PLEKHM2: variants seen among roughly 807,000 people sequenced by gnomAD.
The protein encoded by PLEKHM2 is pleckstrin homology domain-containing family M member 2.
PLEKHM2 carries 77 observed loss-of-function variants against 116.3 expected under a neutral mutation model. The ratio of observed to expected loss-of-function variants is 0.66; its 90% confidence interval spans 0.55 to 0.80. The LOEUF (loss-of-function observed/expected upper bound fraction) is 0.80, where lower values mean the gene tolerates loss of function less well. Ranked by LOEUF, PLEKHM2 falls within the 30% of genes least tolerant of loss-of-function variation. PLEKHM2 has a pLI of 0.00. For synonymous variants in PLEKHM2, 562 were observed against 571.0 expected (o/e 0.98, Z 0.22); for missense variants, 1,183 against 1,354.9 (o/e 0.87, Z 1.99).
chr1:15,713,658 A>G (rs570895516), intron 1 of PLEKHM2, among the ~76,000 whole-genome samples: 3 of 151,924 alleles, frequency 2.0e-5, no homozygotes, highest in South Asian at 4.2e-4. Flanking sequence ...GTTTTTGAGA[A>G]GGAGTCTTGC....
intron 1 of PLEKHM2, among the ~76,000 whole-genome samples, chr1:15,690,062 T>G (rs1640858647): frequency 6.8e-6 from 1 of 146,006 alleles, no homozygotes; most frequent in South Asian, 2.2e-4. Context: ...AGCCGAGGTT[T>G]TTTTTTTTTT....
chr1:15,682,249 G>A (rs1640660208), upstream of PLEKHM2, among the ~76,000 whole-genome samples: 1 of 151,646 alleles, frequency 6.6e-6, no homozygotes, highest in Admixed American at 6.6e-5. Context: ...AGGAGTTCAA[G>A]ACCAGCCTGG....
intron 1 of PLEKHM2, among the ~76,000 whole-genome samples, chr1:15,712,210 C>T (rs1641348413): frequency 6.6e-6 from 1 of 151,906 alleles, no homozygotes; most frequent in Non-Finnish European, 1.5e-5. Flanking sequence ...TACTTAGTTC[C>T]TAGAAGAAGA....
At chr1:15,726,523 C>T (rs549222170) in intron 8 of PLEKHM2, among the ~76,000 whole-genome samples, 2 of 152,320 alleles carry the variant, frequency 1.3e-5, no homozygotes, top group East Asian at 3.9e-4. Context: ...AAGCCCGCTC[C>T]AGCCAACCTG....
Position 15,729,800 on chromosome 1 carries a change from C to A in PLEKHM2, c.2079C>A (p.Phe693Leu). The change falls in exon 14 of 20, where the codon TTC becomes TTA. Residue 693 changes from phenylalanine to leucine, a missense_variant. Phe to Leu is a conservative substitution (Grantham distance 22). Transcript: ENST00000375799. This position sits in a 1 kb window ranked among gnomAD's most constrained non-coding sequence, Gnocchi z 4.7. ...LDTADVALAEFFLASLKSAMI... is the reference protein window; with the variant it reads ...LDTADVALAELFLASLKSAMI... ...ACAAACCTCACTCCCTATGCAGGTT[C>A]TTTTTGGCTTCTTTGAAGTCAGCCA... 1 of 1,611,782 alleles carries A rather than the reference C, an allele frequency of 6.2e-7. No individual in the cohort carries two copies. The highest frequency in any genetic ancestry group is 8.5e-7 in the Non-Finnish European group (1 of 1,179,076).
At chr1:15,699,218 ATGTGCAGGTTTGTTACATAGG>A (rs1236039847) in intron 1 of PLEKHM2, among the ~76,000 whole-genome samples, 46 of 152,208 alleles carry the variant, frequency 3.0e-4, no homozygotes, top group African/African-American at 9.9e-4. Flanking sequence ...CATGTGCACA[ATGTGCAGGTTTGTTACATAGG>A]TGTGCAGGTT....
intron 1 of PLEKHM2, among the ~76,000 whole-genome samples, chr1:15,704,463 T>A (rs989730661): frequency 1.3e-5 from 2 of 152,174 alleles, no homozygotes; most frequent in African/African-American, 4.8e-5. Flanking sequence ...CTCTATTATT[T>A]TGAAACAGAT....
chr1:15,709,511 C>G (rs1641286247), intron 1 of PLEKHM2, among the ~76,000 whole-genome samples: 1 of 152,102 alleles, frequency 6.6e-6, no homozygotes, highest in African/African-American at 2.4e-5. Context: ...CTGTATTGGA[C>G]AGCTCAGGTC....
intron 7 of PLEKHM2, among the ~76,000 whole-genome samples, chr1:15,722,330 G>C (rs929259945): frequency 6.6e-6 from 1 of 152,164 alleles, no homozygotes; most frequent in Non-Finnish European, 1.5e-5. Flanking sequence ...TTTTAGTAGA[G>C]ACAGGGTTTC....
At chr1:15,708,584 T>G (rs1420162618) in intron 1 of PLEKHM2, among the ~76,000 whole-genome samples, 2 of 152,118 alleles carry the variant, frequency 1.3e-5, no homozygotes, top group African/African-American at 4.8e-5. Flanking sequence ...GAGTCTAACT[T>G]TACAAAAAAG....
intron 1 of PLEKHM2, among the ~76,000 whole-genome samples, chr1:15,692,487 C>T (rs545891537): frequency 3.9e-5 from 6 of 152,310 alleles, no homozygotes; most frequent in African/African-American, 1.4e-4. Context: ...AACCCGGAAA[C>T]CATGTCGTGC....
intron 16 of PLEKHM2, 51 bp from the exon 17 acceptor site, chr1:15,731,838 C>T (rs2068147000): frequency 8.5e-6 from 13 of 1,535,466 alleles, no homozygotes; most frequent in Non-Finnish European, 1.1e-5. Context: ...GCTGTCGCCC[C>T]GTGCTGCCCT....
Position 15,732,452 on chromosome 1 carries a change from T to C in PLEKHM2, c.2728T>C (p.Phe910Leu). Residue 910 changes from phenylalanine to leucine, a missense_variant, in exon 18 of 20, where the codon TTC (phenylalanine) becomes CTC (leucine). Physicochemically the swap from Phe to Leu is conservative, Grantham distance 22. Coordinates refer to ENST00000375799, the MANE Select transcript of PLEKHM2 (RefSeq NM_015164.4). Reference sequence around the variant, plus strand: ...CCATGAGGATTGCCAGACCAGCTTCTTCCGCTCTTTGGGCACAGCCAAGCT... The same window carrying C: ...CCATGAGGATTGCCAGACCAGCTTCCTCCGCTCTTTGGGCACAGCCAAGCT... ...TCHEDCQTSF[F>L]RSLGTAKLGD... The C allele has an allele frequency of 6.3e-7, 1 of 1,598,628 alleles. No homozygotes were observed. Among genetic ancestry groups the C allele is most frequent in the Non-Finnish European group, 8.5e-7 (1 of 1,173,034 alleles).
upstream of PLEKHM2, among the ~76,000 whole-genome samples, chr1:15,681,818 C>CA (rs1640650747): frequency 6.6e-6 from 1 of 152,198 alleles, no homozygotes. Context: ...TCTCAACCCT[C>CA]ATCTGTTCTT....
rs201986083 is a variant in PLEKHM2, at chr1:15,729,751, G to A, written c.2076-46G>A. On this transcript the variant is annotated intron_variant, in intron 13 of 19. Coordinates refer to ENST00000375799, the MANE Select transcript of PLEKHM2 (RefSeq NM_015164.4). The surrounding 1 kb of genome is among the most constrained non-coding windows in gnomAD (Gnocchi z 4.7). The stretch of plus-strand genomic sequence containing the variant: ...TCAAGACTAAGCCCTGTCCAGTTGA[G>A]GCCCTGTTCCCAGGCCTCTAACCAC... 14 of 1,564,352 alleles carry A rather than the reference G, an allele frequency of 8.9e-6. No homozygotes were observed. The highest frequency in any genetic ancestry group is 3.4e-4 in the Middle Eastern group (2 of 5,848).
intron 7 of PLEKHM2, among the ~76,000 whole-genome samples, chr1:15,724,280 C>T (rs575057280): frequency 6.0e-4 from 91 of 152,194 alleles, no homozygotes; most frequent in East Asian, 9.7e-4. Flanking sequence ...GTCAGGAGAT[C>T]GAGACCATCC....
chr1:15,720,035 G>T, intron 6 of PLEKHM2, 115 bp downstream of exon 6: 1 of 804,618 alleles, frequency 1.2e-6, no homozygotes, highest in Non-Finnish European at 1.9e-6. Context: ...GCTGAAATTT[G>T]CAATTAAACA....
intron 14 of PLEKHM2, 77 bp downstream of exon 14, chr1:15,730,006 G>C: frequency 1.0e-6 from 1 of 984,230 alleles, no homozygotes; most frequent in Non-Finnish European, 1.4e-6. Context: ...AGCGTTAAGG[G>C]ATGCACGTGG....
intron 1 of PLEKHM2, among the ~76,000 whole-genome samples, chr1:15,705,425 A>G (rs1307837544): frequency 1.3e-5 from 2 of 150,784 alleles, no homozygotes; most frequent in Non-Finnish European, 3.0e-5. Context: ...CAGACGATCC[A>G]CTCACCTCGG....
Sources: allele counts gnomAD v4.1 joint callset (sites outside exome capture counted in the v4.1 genomes callset), GRCh38; gene constraint gnomAD v4.1.1; non-coding constraint Gnocchi (gnomAD v3.1); transcripts MANE v1.5; gene names NCBI Gene and HGNC (gene_info 2026-07-23, HGNC 2026-07-21).